PAK2: variants seen among roughly 807,000 people sequenced by gnomAD.
The protein encoded by PAK2 is p21 (RAC1) activated kinase 2, also known as serine/threonine-protein kinase PAK 2.
A neutral mutation model predicts 65.9 loss-of-function variants in PAK2; 21 were observed. The observed-to-expected ratio is 0.32, with a 90% confidence interval of 0.23 to 0.46. The LOEUF is 0.46. Among genes scored for constraint, PAK2 ranks in the 20% least tolerant of loss-of-function variants. PAK2 has a pLI of 1.00. For synonymous variants in PAK2, 204 were observed against 219.7 expected (o/e 0.93, Z 0.63); for missense variants, 324 against 642.6 (o/e 0.50, Z 5.36).
intron 7 of PAK2, among the ~76,000 whole-genome samples, chr3:196,809,372 CAG>C (rs1379461609): frequency 1.1e-5 from 1 of 87,134 alleles, no homozygotes; most frequent in South Asian, 4.3e-4. Flanking sequence ...TTTTTTGAGA[CAG>C]AGTCTCGCTC....
intron 1 of PAK2, among the ~76,000 whole-genome samples, chr3:196,740,501 C>T (rs1713154112): frequency 6.6e-6 from 1 of 152,206 alleles, no homozygotes; most frequent in Admixed American, 6.5e-5. Flanking sequence ...TCTTCCTTTG[C>T]TCCGTTTTCT....
chr3:196,751,660 AATTTATTTATATAC>A lies in PAK2; in HGVS notation c.-22+11506_-22+11519del, dbSNP rs1240801509. ...AGACTGTCCCCCCAAAAAACACACA[AATTTATTTATATAC>A]ATATATATATATATATATATAATTC... On this transcript the variant is annotated intron_variant, in intron 1 of 14. Coordinates refer to ENST00000327134, the MANE Select transcript of PAK2 (RefSeq NM_002577.4). Among the ~76,000 whole-genome samples, 119 of 39,972 alleles carry A rather than the reference AATTTATTTATATAC, an allele frequency of 3.0e-3. 9 individuals carry two copies. Among genetic ancestry groups the A allele is most frequent in the African/African-American group, 5.3e-3 (18 of 3,370 alleles). 26.2% of individuals were successfully genotyped at this position (39,972 alleles called of 152,430 possible). A position where few individuals can be genotyped will look rare whatever the true frequency, so the allele number is the denominator to read the frequency against.
intron 7 of PAK2, among the ~76,000 whole-genome samples, chr3:196,808,376 T>C (rs1195046683): frequency 1.3e-5 from 2 of 150,306 alleles, no homozygotes; most frequent in African/African-American, 4.9e-5. Flanking sequence ...TCCTGGCCAG[T>C]ATGGTGAAAC....
At chr3:196,771,462 A>T (rs951711229) in intron 1 of PAK2, among the ~76,000 whole-genome samples, 3 of 152,034 alleles carry the variant, frequency 2.0e-5, no homozygotes, top group Non-Finnish European at 4.4e-5. Context: ...TCAGCTATTA[A>T]TTTGTTCAGT....
intron 10 of PAK2, among the ~76,000 whole-genome samples, chr3:196,813,880 G>T (rs982982346): frequency 6.6e-6 from 1 of 152,096 alleles, no homozygotes. Context: ...AACCCAAGAG[G>T]TGGAGGCTGC....
chr3:196,821,280 T>C (rs976259070), intron 13 of PAK2, among the ~76,000 whole-genome samples: 2 of 151,920 alleles, frequency 1.3e-5, no homozygotes, highest in African/African-American at 4.8e-5. Context: ...TGAGCCAAGA[T>C]AGCACTACTG....
chr3:196,759,525 T>TTTTTTTTTTTTTG (rs1713892145), intron 1 of PAK2, among the ~76,000 whole-genome samples: 2 of 131,690 alleles, frequency 1.5e-5, no homozygotes, highest in African/African-American at 2.8e-5. Flanking sequence ...TTTTTTTTTT[T>TTTTTTTTTTTTTG]TTTTTTTTTT....
intron 1 of PAK2, among the ~76,000 whole-genome samples, chr3:196,760,869 TTAGA>T (rs1217768233): frequency 1.3e-5 from 2 of 152,298 alleles, no homozygotes; most frequent in Admixed American, 6.5e-5. Context: ...AAGCATTATG[TTAGA>T]TAGTGTCAGA....
intron 2 of PAK2, among the ~76,000 whole-genome samples, chr3:196,786,999 A>G (rs982589848): frequency 2.0e-5 from 3 of 151,568 alleles, no homozygotes; most frequent in South Asian, 4.2e-4. Context: ...TAATTTTTGT[A>G]TTTTTTGTAG....
chr3:196,761,613 C>G (rs1424168781), intron 1 of PAK2, among the ~76,000 whole-genome samples: 6 of 132,554 alleles, frequency 4.5e-5, no homozygotes, highest in African/African-American at 5.6e-5. Context: ...ACCTTTCCCG[C>G]CTTTCTATTC....
chr3:196,790,242 G>A (rs772963174), intron 2 of PAK2, among the ~76,000 whole-genome samples: 6 of 152,212 alleles, frequency 3.9e-5, no homozygotes, highest in Non-Finnish European at 8.8e-5. Context: ...AAAAGGTAGT[G>A]CCCTAGAGAA....
chr3:196,818,606 T>C (rs576512972), intron 12 of PAK2, among the ~76,000 whole-genome samples: 6 of 152,310 alleles, frequency 3.9e-5, no homozygotes, highest in African/African-American at 1.4e-4. Flanking sequence ...AACTCAGGTA[T>C]CTTCCCGCCT....
chr3:196,742,198 C>T (rs994768877), intron 1 of PAK2, among the ~76,000 whole-genome samples: 6 of 150,554 alleles, frequency 4.0e-5, no homozygotes, highest in Non-Finnish European at 8.8e-5. Context: ...AAGCGATTCT[C>T]CTGTCTCAGC....
rs1435547281 is a variant in PAK2, at chr3:196,820,722, C to CT, written c.1350+156dup. Among the ~76,000 whole-genome samples the CT allele has an allele frequency of 6.6e-6, 1 of 152,178 alleles. No homozygotes were observed. Among genetic ancestry groups the CT allele is most frequent in the African/African-American group, 2.4e-5 (1 of 41,448 alleles). On this transcript the variant is annotated intron_variant, in intron 13 of 14. Coordinates refer to ENST00000327134, the MANE Select transcript of PAK2 (RefSeq NM_002577.4). The surrounding 1 kb of genome is among the most constrained non-coding windows in gnomAD (Gnocchi z 4.6). ...TCTGCATCTAGAAATCATTTGCTCTCTGAGTTACAAATTAATGTGTTAGGT... is the reference window on the plus strand; with the variant it reads ...TCTGCATCTAGAAATCATTTGCTCTCTTGAGTTACAAATTAATGTGTTAGGT...
intron 2 of PAK2, among the ~76,000 whole-genome samples, chr3:196,785,796 ACAG>A (rs765035104): frequency 5.6e-4 from 85 of 152,300 alleles, no homozygotes; most frequent in Non-Finnish European, 1.1e-3. Context: ...TACGTGGATG[ACAG>A]CAGGCAACGA....
chr3:196,782,251 G>T (rs1413532292), intron 1 of PAK2, among the ~76,000 whole-genome samples: 1 of 150,064 alleles, frequency 6.7e-6, no homozygotes, highest in Non-Finnish European at 1.5e-5. Flanking sequence ...ACCTCCCCAA[G>T]ATATCCTATA....
intron 4 of PAK2, among the ~76,000 whole-genome samples, chr3:196,803,703 A>T (rs188144185): frequency 6.6e-6 from 1 of 152,330 alleles, no homozygotes; most frequent in Admixed American, 6.5e-5. Flanking sequence ...TACCTCAGAA[A>T]TGGAATATCT....
At chr3:196,805,148 A>G (rs1247724199) in intron 4 of PAK2, among the ~76,000 whole-genome samples, 2 of 152,084 alleles carry the variant, frequency 1.3e-5, no homozygotes, top group Non-Finnish European at 2.9e-5. Context: ...TACTAAATTT[A>G]TAGTTTCATG....
At chr3:196,756,553 T>C (rs1713774537) in intron 1 of PAK2, among the ~76,000 whole-genome samples, 1 of 152,066 alleles carries the variant, frequency 6.6e-6, no homozygotes, top group Admixed American at 6.6e-5. Flanking sequence ...AACAAAATGC[T>C]TGGGCTGGGC....
Sources: allele counts gnomAD v4.1 joint callset (sites outside exome capture counted in the v4.1 genomes callset), GRCh38; gene constraint gnomAD v4.1.1; non-coding constraint Gnocchi (gnomAD v3.1); transcripts MANE v1.5; gene names NCBI Gene and HGNC (gene_info 2026-07-23, HGNC 2026-07-21).